Variants in MCTP1 observed in about 807,000 individuals in gnomAD.
MCTP1 encodes multiple C2 and transmembrane domain-containing protein 1.
In MCTP1, 69 loss-of-function variants were observed where a neutral mutation model predicts 120.6. The observed-to-expected ratio is 0.57, with a 90% CI of 0.47 to 0.70. MCTP1 has a LOEUF of 0.70. Among genes scored for constraint, MCTP1 ranks in the 30% least tolerant of loss-of-function variants. The pLI, the probability that MCTP1 is intolerant of heterozygous loss-of-function variation, is 0.00. For synonymous variants in MCTP1, 529 were observed against 493.1 expected (o/e 1.07, Z -0.96); for missense variants, 1,203 against 1,248.8 (o/e 0.96, Z 0.55).
chr5:95,028,909 C>G (rs190928287), intron 1 of MCTP1, among the ~76,000 whole-genome samples: 128 of 152,232 alleles, frequency 8.4e-4, no homozygotes, highest in South Asian at 4.2e-3. Context: ...CGCCTGTAAT[C>G]CCAGCACTTT....
At chr5:94,736,577 G>A (rs925263526) in intron 19 of MCTP1, among the ~76,000 whole-genome samples, 3 of 152,114 alleles carry the variant, frequency 2.0e-5, no homozygotes, top group Admixed American at 2.0e-4. Flanking sequence ...TTAACCCTGA[G>A]AACTTAGTGT....
chr5:95,051,738 A>G (rs1429463395), intron 1 of MCTP1, among the ~76,000 whole-genome samples: 1 of 152,168 alleles, frequency 6.6e-6, no homozygotes, highest in East Asian at 1.9e-4. Context: ...CTTTGCAGCA[A>G]CATAGATGGA....
At chr5:95,175,101 GA>G (rs1747809189) in intron 1 of MCTP1, among the ~76,000 whole-genome samples, 2 of 152,042 alleles carry the variant, frequency 1.3e-5, no homozygotes, top group Non-Finnish European at 1.5e-5. Flanking sequence ...GACACAGTGG[GA>G]AAAAAATAGA....
intron 1 of MCTP1, among the ~76,000 whole-genome samples, chr5:95,194,324 T>TC (rs1217359015): frequency 6.6e-6 from 1 of 152,158 alleles, no homozygotes; most frequent in Non-Finnish European, 1.5e-5. Flanking sequence ...AAAGTGGGAT[T>TC]CAAACCCAGG....
At chr5:94,870,250 A>C (rs888324467) in intron 16 of MCTP1, among the ~76,000 whole-genome samples, 167 bp downstream of exon 16, 8 of 152,130 alleles carry the variant, frequency 5.3e-5, no homozygotes, top group African/African-American at 1.9e-4. Flanking sequence ...GAAAGGAAGG[A>C]AGAAAGAATC....
At chr5:94,767,333 C>A (rs1773008070) in intron 19 of MCTP1, among the ~76,000 whole-genome samples, 1 of 152,146 alleles carries the variant, frequency 6.6e-6, no homozygotes, top group Admixed American at 6.5e-5. Flanking sequence ...AACCTGAAAG[C>A]CTTTCCTCTA....
chr5:94,760,349 A>G (rs1264802520), intron 19 of MCTP1, among the ~76,000 whole-genome samples: 3 of 152,224 alleles, frequency 2.0e-5, no homozygotes, highest in Non-Finnish European at 2.9e-5. Flanking sequence ...GGCTGTGACA[A>G]GCAAACTACC....
At position 95,284,174 on chromosome 5, in the gene MCTP1, C is replaced by T; in HGVS notation, c.402G>A (p.Lys134=). ...CTGCTCCCGAGGCCGCCGCGGGCCCCTTTACGGCGGGGAGCAAATGCTCGC... is the reference window on the plus strand; with the variant it reads ...CTGCTCCCGAGGCCGCCGCGGGCCCTTTTACGGCGGGGAGCAAATGCTCGC... The part of the protein sequence containing the change: ...RIREHLLPAV[K]GPAAASGAAG... The change falls in exon 1 of 23, where the codon AAG becomes AAA. Residue 134 remains lysine (K), a synonymous_variant. Coordinates refer to ENST00000515393, the MANE Select transcript of MCTP1 (RefSeq NM_024717.7). The surrounding 1 kb of genome is among the most constrained non-coding windows in gnomAD (Gnocchi z 5.2). The T allele has an allele frequency of 2.5e-6, 4 of 1,575,022 alleles. No individual in the cohort carries two copies. The highest frequency in any genetic ancestry group is 3.4e-6 in the Non-Finnish European group (4 of 1,161,452).
intron 10 of MCTP1, among the ~76,000 whole-genome samples, chr5:94,900,591 G>C (rs1805252439): frequency 6.6e-6 from 1 of 152,152 alleles, no homozygotes; most frequent in Non-Finnish European, 1.5e-5. Flanking sequence ...TTATGTCTCA[G>C]GTCCTTTTAG....
intron 1 of MCTP1, among the ~76,000 whole-genome samples, chr5:95,044,230 G>T (rs569067096): frequency 4.6e-5 from 7 of 152,310 alleles, no homozygotes; most frequent in Non-Finnish European, 1.0e-4. Context: ...GAGAATGGAA[G>T]AAGCAATGGA....
chr5:94,885,812 C>T (rs984085172), intron 12 of MCTP1, among the ~76,000 whole-genome samples: 4 of 152,082 alleles, frequency 2.6e-5, no homozygotes, highest in African/African-American at 9.7e-5. Flanking sequence ...AATTTTTTCC[C>T]TTACGAAGAA....
chr5:95,001,645 T>A (rs1445238042), intron 2 of MCTP1, among the ~76,000 whole-genome samples: 1 of 152,206 alleles, frequency 6.6e-6, no homozygotes, highest in East Asian at 1.9e-4. Flanking sequence ...CCTTGAGATC[T>A]GTGGAATTTT....
chr5:95,016,019 T>C (rs1837038394), intron 2 of MCTP1, among the ~76,000 whole-genome samples: 3 of 152,114 alleles, frequency 2.0e-5, no homozygotes, highest in South Asian at 2.1e-4. Flanking sequence ...ATTTGCATTA[T>C]TTTCTTTATC....
At chr5:95,166,184 C>T (rs561550872) in intron 1 of MCTP1, 2 of 152,164 alleles carry the variant, frequency 1.3e-5, no homozygotes, top group East Asian at 1.9e-4. Context: ...CTGCTCGAGA[C>T]CTGGCTTTTT....
intron 18 of MCTP1, among the ~76,000 whole-genome samples, chr5:94,784,416 C>T (rs1248987966): frequency 6.6e-6 from 1 of 151,984 alleles, no homozygotes; most frequent in African/African-American, 2.4e-5. Flanking sequence ...CTTGAAAGTA[C>T]CAAAGGTCAG....
At chr5:95,214,526 A>C (rs549449385) in intron 1 of MCTP1, among the ~76,000 whole-genome samples, 2 of 152,324 alleles carry the variant, frequency 1.3e-5, no homozygotes, top group South Asian at 4.1e-4. Flanking sequence ...TATATACCCA[A>C]AGGATTATAA....
intron 2 of MCTP1, among the ~76,000 whole-genome samples, chr5:94,976,069 C>A (rs376535912): frequency 6.6e-6 from 1 of 152,086 alleles, no homozygotes; most frequent in Non-Finnish European, 1.5e-5. Flanking sequence ...CCCTTTATGT[C>A]CCACTCCCTT....
chr5:94,758,639 T>A (rs1190321021), intron 19 of MCTP1, among the ~76,000 whole-genome samples: 1 of 152,162 alleles, frequency 6.6e-6, no homozygotes, highest in Non-Finnish European at 1.5e-5. Context: ...ATGATTTAGA[T>A]TGTGGGAAGG....
intron 2 of MCTP1, among the ~76,000 whole-genome samples, chr5:95,011,995 G>C (rs1836080081): frequency 1.3e-5 from 2 of 151,966 alleles, no homozygotes; most frequent in Non-Finnish European, 2.9e-5. Context: ...CATTTCTCCA[G>C]GAGCCTTGAT....
Sources: allele counts gnomAD v4.1 joint callset (sites outside exome capture counted in the v4.1 genomes callset), GRCh38; gene constraint gnomAD v4.1.1; non-coding constraint Gnocchi (gnomAD v3.1); transcripts MANE v1.5; gene names NCBI Gene and HGNC (gene_info 2026-07-23, HGNC 2026-07-21).